TAF1: variants seen among roughly 807,000 people sequenced by gnomAD.
TAF1 encodes the protein transcription initiation factor TFIID subunit 1.
A neutral mutation model predicts 138.5 loss-of-function variants in TAF1; 2 were observed. The observed-to-expected ratio is 0.01, with a 90% CI of 0.01 to 0.05. The LOEUF (loss-of-function observed/expected upper bound fraction) is 0.05, where lower values mean the gene tolerates loss of function less well. Ranked by LOEUF, TAF1 falls within the 10% of genes least tolerant of loss-of-function variation. The pLI is 1.00. For synonymous variants in TAF1, 437 were observed against 503.2 expected, an observed-to-expected ratio of 0.87 and a Z score of 1.76; for missense variants, 709 against 1,478.0, an observed-to-expected ratio of 0.48 and a Z score of 8.53.
intron 32 of TAF1, among the ~76,000 whole-genome samples, chrX:71,442,793 A>G (rs1409151090): frequency 8.9e-6 from 1 of 111,902 alleles, no homozygotes; most frequent in Admixed American, 9.5e-5. Flanking sequence ...TTATGGTTTT[A>G]GGTCTAACAT....
intron 4 of TAF1, among the ~76,000 whole-genome samples, chrX:71,375,850 G>A (rs1349358123): frequency 8.9e-6 from 1 of 112,388 alleles, no homozygotes; most frequent in African/African-American, 3.2e-5. Flanking sequence ...GCTCCCTGCC[G>A]AACCCGGGAA....
In TAF1 at chrX:71,401,524, G is replaced by C. The variant is rs1253066704; in HGVS notation, c.3787-4G>C. ...TGACGTGTTTGATACTTTTCCTTTT[G>C]CAGCTGAAATGTGGGGCATGTGGTG... On this transcript the variant is annotated splice_polypyrimidine_tract_variant and splice_region_variant and intron_variant, in intron 24 of 37. Coordinates refer to ENST00000423759, the MANE Select transcript of TAF1 (RefSeq NM_004606.5). 1.5e-5 allele frequency: 18 copies of C among 1,211,325 alleles called. No homozygotes were observed. The highest frequency in any genetic ancestry group is 1.8e-5 in the Non-Finnish European group (16 of 895,332).
At chrX:71,447,081 T>C (rs2037727588) in intron 32 of TAF1, among the ~76,000 whole-genome samples, 1 of 111,906 alleles carries the variant, frequency 8.9e-6, no homozygotes, top group African/African-American at 3.2e-5. Context: ...TCTAATTTCT[T>C]TAGGAATTTA....
chrX:71,523,364 A>G (rs2039939688), intron 13 of TAF1, among the ~76,000 whole-genome samples: 1 of 110,977 alleles, frequency 9.0e-6, no homozygotes, highest in African/African-American at 3.3e-5. Context: ...AATCTTTCAC[A>G]TAATGTTGTG....
chrX:71,447,841 A>G (rs1275839772), intron 32 of TAF1, among the ~76,000 whole-genome samples: 1 of 111,414 alleles, frequency 9.0e-6, no homozygotes, highest in Non-Finnish European at 1.9e-5. Flanking sequence ...TGGAATATCA[A>G]CTTTCCAAAG....
intron 18 of TAF1, among the ~76,000 whole-genome samples, chrX:71,390,926 T>C (rs1213625183): frequency 1.9e-5 from 2 of 108,078 alleles, no homozygotes; most frequent in African/African-American, 6.7e-5. Flanking sequence ...ACCTGGGAGG[T>C]GGAGGTTGCC....
At chrX:71,454,362 G>T (rs1352850290) in intron 33 of TAF1, 125 bp downstream of exon 33, 2 of 554,221 alleles carry the variant, frequency 3.6e-6, no homozygotes, top group Non-Finnish European at 5.7e-6. Context: ...CCAGCTACTC[G>T]TCTGAGGTAG....
intron 28 of TAF1, 84 bp from the exon 29 acceptor site, chrX:71,421,225 G>A: frequency 3.5e-6 from 3 of 865,150 alleles, no homozygotes; most frequent in Non-Finnish European, 5.1e-6. Flanking sequence ...AGGTTCTTAA[G>A]TAAGTGCATT....
rs187752650 is a variant in TAF1, at chrX:71,448,072, T to C, written c.4754-6098T>C. On this transcript the variant is annotated intron_variant, in intron 32 of 37. Coordinates refer to ENST00000423759, the MANE Select transcript of TAF1 (RefSeq NM_004606.5). ...TTCGTGAGTGGGTAGCTTATTCTTA[T>C]AGTGACAAGTCACAGATTATCTTTC... Among the ~76,000 whole-genome samples, 443 of 112,296 alleles carry C rather than the reference T, an allele frequency of 3.9e-3. 2 individuals are homozygous for C. The highest frequency in any genetic ancestry group is 6.8e-3 in the Non-Finnish European group (361 of 53,229).
At chrX:71,481,468 C>T (rs900916252) in intron 13 of TAF1, among the ~76,000 whole-genome samples, 23 of 112,510 alleles carry the variant, frequency 2.0e-4, no homozygotes, top group Admixed American at 9.4e-4. Context: ...GTAGAAGATG[C>T]AGCTGGAAAG....
chrX:71,407,602 G>A lies in TAF1; in HGVS notation c.4136G>A (p.Arg1379His), dbSNP rs773834049. The stretch of plus-strand genomic sequence containing the variant: ...CCTCATAAGTCCATCCACCGGCGCC[G>A]CACAGACCCTATGGTGACGCTGTCG... Reference protein sequence around the residue: ...NRPHKSIHRRRTDPMVTLSSI... With the variant: ...NRPHKSIHRRHTDPMVTLSSI... The change falls in exon 27 of 38, where the codon CGC becomes CAC. Residue 1379 changes from arginine to histidine, a missense_variant. By Grantham distance (29) the Arg-to-His change is conservative (BLOSUM62 0). This residue lies in a region of TAF1 where 63 missense variants were observed against 163.3 expected (regional missense o/e 0.39). Coordinates refer to ENST00000423759, the MANE Select transcript of TAF1 (RefSeq NM_004606.5). 3 of 1,211,033 alleles carry A rather than the reference G, an allele frequency of 2.5e-6. No individual in the cohort carries two copies. The highest frequency in any genetic ancestry group is 3.4e-6 in the Non-Finnish European group (3 of 895,067).
chrX:71,501,228 C>T (rs1277156216), intron 13 of TAF1, among the ~76,000 whole-genome samples: 1 of 110,268 alleles, frequency 9.1e-6, no homozygotes, highest in Non-Finnish European at 1.9e-5. Context: ...ATCCTAGCTT[C>T]AGGAATAGCT....
Position 71,368,070 on chromosome X carries a change from A to G in TAF1, c.252A>G (p.Thr84=). The change falls in exon 3 of 38, where the codon ACA becomes ACG. Residue 84 remains threonine, a synonymous_variant. Transcript: ENST00000423759. The stretch of plus-strand genomic sequence containing the variant: ...TTTTCATAGGGTGGGTTAGGAGTAC[A>G]GAAGATGCTGTGGACTATTCAGACA... ...LVNDEGWVRS[T]EDAVDYSDIN... is the part of the protein sequence containing the mutation. 2 of 1,212,031 alleles carry G rather than the reference A, an allele frequency of 1.7e-6. No homozygotes were observed. The highest frequency in any genetic ancestry group is 2.2e-6 in the Non-Finnish European group (2 of 895,491).
intron 13 of TAF1, among the ~76,000 whole-genome samples, chrX:71,477,282 A>AT (rs1208238997): frequency 9.0e-6 from 1 of 110,510 alleles, no homozygotes; most frequent in African/African-American, 3.3e-5. Flanking sequence ...AATTTAAAAA[A>AT]TTTTTTTAAT....
At chrX:71,477,004 T>C (rs183386030) in intron 13 of TAF1, among the ~76,000 whole-genome samples, 22 of 109,659 alleles carry the variant, frequency 2.0e-4, no homozygotes, top group African/African-American at 7.3e-4. Context: ...AGTAGTGTAA[T>C]CTTGGCTCCC....
chrX:71,377,500 C>T (rs1314821779), intron 5 of TAF1, 103 bp from the exon 6 acceptor site: 1 of 967,315 alleles, frequency 1.0e-6, no homozygotes, highest in Non-Finnish European at 1.4e-6. Flanking sequence ...TTGTTTCTCC[C>T]CCACATTTGA....
chrX:71,370,741 C>T (rs1401727747), intron 3 of TAF1, among the ~76,000 whole-genome samples: 2 of 111,876 alleles, frequency 1.8e-5, no homozygotes, highest in African/African-American at 6.5e-5. Context: ...GTAGATAAAA[C>T]CTTGGTAAAT....
chrX:71,480,621 T>A, intron 13 of TAF1, among the ~76,000 whole-genome samples: 1 of 112,075 alleles, frequency 8.9e-6, no homozygotes, highest in Admixed American at 9.6e-5. Flanking sequence ...AAATACAGCA[T>A]TGAACAAAAG....
At chrX:71,419,283 C>T (rs1342886446) in intron 28 of TAF1, among the ~76,000 whole-genome samples, 3 of 109,940 alleles carry the variant, frequency 2.7e-5, no homozygotes, top group Admixed American at 9.8e-5. Flanking sequence ...AAATTCCCAC[C>T]CCTGGAAATG....
Sources: allele counts gnomAD v4.1 joint callset (sites outside exome capture counted in the v4.1 genomes callset), GRCh38; gene constraint gnomAD v4.1.1; regional missense constraint gnomAD v4.1.1; transcripts MANE v1.5; gene names NCBI Gene and HGNC (gene_info 2026-07-23, HGNC 2026-07-21).